BABAM2: variants seen among roughly 807,000 people sequenced by gnomAD.
The protein encoded by BABAM2 is BRISC and BRCA1 A complex member 2.
Under a neutral mutation model 54.7 loss-of-function variants are expected in BABAM2, and 31 were observed. The ratio of observed to expected loss-of-function variants is 0.57; its 90% CI spans 0.43 to 0.77. BABAM2 has a LOEUF of 0.77. Among genes scored for constraint, BABAM2 ranks in the 30% least tolerant of loss-of-function variants. BABAM2 has a pLI of 0.00. For missense variants in BABAM2, 364 were observed against 455.8 expected (o/e 0.80, Z 1.83); for synonymous variants, 167 against 162.9 (o/e 1.03, Z -0.19).
At chr2:27,939,566 GTTAT>G (rs1668731647) in intron 3 of BABAM2, among the ~76,000 whole-genome samples, 1 of 152,130 alleles carries the variant, frequency 6.6e-6, no homozygotes, top group Non-Finnish European at 1.5e-5. Context: ...ATCTTTAGAA[GTTAT>G]TTATTATACA....
At chr2:28,235,739 C>G (rs1191977170) in intron 7 of BABAM2, among the ~76,000 whole-genome samples, 1 of 152,168 alleles carries the variant, frequency 6.6e-6, no homozygotes, top group Non-Finnish European at 1.5e-5. Flanking sequence ...TCACTGCAAC[C>G]TCTGCCTCCA....
intron 7 of BABAM2, among the ~76,000 whole-genome samples, chr2:28,180,375 C>A (rs1342341480): frequency 6.6e-6 from 1 of 152,138 alleles, no homozygotes; most frequent in Non-Finnish European, 1.5e-5. Context: ...AAAGGACATT[C>A]TCTTCAATAA....
intron 5 of BABAM2, among the ~76,000 whole-genome samples, chr2:28,028,492 T>C (rs1035613046): frequency 2.0e-5 from 3 of 151,856 alleles, no homozygotes; most frequent in African/African-American, 7.3e-5. Flanking sequence ...ACCATACTTA[T>C]TGATTATGTT....
At chr2:27,980,079 C>G (rs913809651) in intron 3 of BABAM2, among the ~76,000 whole-genome samples, 10 of 152,266 alleles carry the variant, frequency 6.6e-5, no homozygotes, top group Non-Finnish European at 4.4e-5. Flanking sequence ...CCCCATTGCT[C>G]CCACTGTTAT....
intron 3 of BABAM2, among the ~76,000 whole-genome samples, chr2:27,933,210 C>T (rs918403755): frequency 1.3e-5 from 2 of 152,142 alleles, no homozygotes; most frequent in Non-Finnish European, 2.9e-5. Flanking sequence ...TGTCACTCAT[C>T]ATATAACATA....
intron 10 of BABAM2, among the ~76,000 whole-genome samples, chr2:28,247,464 G>A (rs1294093995): frequency 6.6e-6 from 1 of 152,200 alleles, no homozygotes; most frequent in African/African-American, 2.4e-5. Flanking sequence ...TGCTGGCTTG[G>A]TTACAATGCC....
At chr2:28,136,777 T>C (rs868857668) in intron 7 of BABAM2, among the ~76,000 whole-genome samples, 12 of 152,134 alleles carry the variant, frequency 7.9e-5, no homozygotes, top group African/African-American at 1.4e-4. Context: ...ACATGGTCTC[T>C]TGGAATATTT....
At chr2:27,955,529 A>G (rs1353737703) in intron 3 of BABAM2, among the ~76,000 whole-genome samples, 2 of 152,224 alleles carry the variant, frequency 1.3e-5, no homozygotes, top group Non-Finnish European at 2.9e-5. Context: ...CTTTTATATC[A>G]TTTGTAAATC....
chr2:27,981,520 C>T (rs1320633180), intron 3 of BABAM2, among the ~76,000 whole-genome samples: 1 of 152,104 alleles, frequency 6.6e-6, no homozygotes, highest in African/African-American at 2.4e-5. Context: ...TTCTCCTGTT[C>T]CCCATTGTCT....
chr2:28,143,476 TTTGC>T (rs1366025390), intron 7 of BABAM2, among the ~76,000 whole-genome samples: 1 of 152,078 alleles, frequency 6.6e-6, no homozygotes. Flanking sequence ...ATACTGAAAA[TTTGC>T]TAAGAGAGTA....
chr2:27,917,201 A>G (rs1667040501), intron 2 of BABAM2, among the ~76,000 whole-genome samples: 1 of 151,888 alleles, frequency 6.6e-6, no homozygotes, highest in Non-Finnish European at 1.5e-5. Flanking sequence ...TATTTTTAGT[A>G]GAGATGGGGT....
rs760299800 is a variant in BABAM2 at position 27,991,752 on chromosome 2, G to A, written c.300+3665G>A. On this transcript the variant is annotated intron_variant, in intron 4 of 11. Transcript: ENST00000379624. ...TCTTATTGCCAAATACGATTACATC[G>A]TGTGCATATACTGCATTTTATTTAT... Among the ~76,000 whole-genome samples the A allele has an allele frequency of 3.9e-5, 6 of 152,246 alleles. No individual in the cohort carries two copies. The South Asian group carries it at 6.2e-4, about 16-fold the overall frequency.
chr2:28,118,135 T>C (rs1247464071), intron 6 of BABAM2, among the ~76,000 whole-genome samples: 4 of 152,206 alleles, frequency 2.6e-5, no homozygotes, highest in African/African-American at 9.7e-5. Flanking sequence ...TTCAATATGA[T>C]TCGTAAAACA....
intron 2 of BABAM2, among the ~76,000 whole-genome samples, chr2:27,911,804 A>G (rs997455206): frequency 2.6e-5 from 4 of 152,174 alleles, no homozygotes; most frequent in Non-Finnish European, 5.9e-5. Flanking sequence ...GTTTTCCACT[A>G]GCAGCCATTT....
chr2:27,893,463 A>G (rs960373602), intron 1 of BABAM2, among the ~76,000 whole-genome samples: 5 of 152,150 alleles, frequency 3.3e-5, no homozygotes, highest in Non-Finnish European at 7.4e-5. Context: ...GGATCTTGTT[A>G]TATCTATTCC....
chr2:28,032,563 C>A (rs1354417563), intron 5 of BABAM2, among the ~76,000 whole-genome samples: 1 of 152,052 alleles, frequency 6.6e-6, no homozygotes, highest in Non-Finnish European at 1.5e-5. Context: ...CAAATTGTTT[C>A]TCCTTATTGC....
intron 11 of BABAM2, among the ~76,000 whole-genome samples, chr2:28,334,685 G>A (rs1457910661): frequency 6.6e-6 from 1 of 152,258 alleles, no homozygotes; most frequent in Admixed American, 6.5e-5. Flanking sequence ...TGTTGCTGGG[G>A]AAATAGCAGC....
intron 6 of BABAM2, among the ~76,000 whole-genome samples, chr2:28,090,531 T>A (rs910307239): frequency 3.3e-5 from 5 of 152,202 alleles, no homozygotes; most frequent in Non-Finnish European, 5.9e-5. Flanking sequence ...TGTGAGCCAC[T>A]GCACCCAGCA....
At chr2:28,112,559 A>T (rs1668229474) in intron 6 of BABAM2, among the ~76,000 whole-genome samples, 1 of 152,114 alleles carries the variant, frequency 6.6e-6, no homozygotes. Context: ...ATGACTGGAT[A>T]GTATTCTATG....
Sources: allele counts gnomAD v4.1 joint callset (sites outside exome capture counted in the v4.1 genomes callset), GRCh38; gene constraint gnomAD v4.1.1; transcripts MANE v1.5; gene names NCBI Gene and HGNC (gene_info 2026-07-23, HGNC 2026-07-21).